The following AOAH variants were observed in gnomAD, a reference collection of about 807,000 sequenced individuals.
The protein encoded by AOAH is acyloxyacyl hydrolase (neutrophil).
AOAH carries 64 observed loss-of-function variants against 92.2 expected under a neutral mutation model. The observed-to-expected ratio is 0.69, with a 90% CI of 0.57 to 0.86. AOAH has a LOEUF of 0.86. Among genes scored for constraint, AOAH ranks in the 40% least tolerant of loss-of-function variants. The probability of loss-of-function intolerance (pLI) is 0.00; values close to 1 mark genes in which losing one functional copy is unlikely to be tolerated. For synonymous variants in AOAH, 263 were observed against 254.5 expected (o/e 1.03, Z -0.32); for missense variants, 656 against 694.6 (o/e 0.94, Z 0.62).
At chr7:36,703,381 T>C (rs775378064) in intron 1 of AOAH, among the ~76,000 whole-genome samples, 29 of 152,158 alleles carry the variant, frequency 1.9e-4, no homozygotes, top group Non-Finnish European at 3.8e-4. Flanking sequence ...TATAACTTTA[T>C]GTAATGTATT....
At chr7:36,585,285 G>A (rs1204032437) in intron 12 of AOAH, among the ~76,000 whole-genome samples, 1 of 152,106 alleles carries the variant, frequency 6.6e-6, no homozygotes, top group African/African-American at 2.4e-5. Flanking sequence ...AAACTCACTA[G>A]TAGTCAGGAG....
intron 13 of AOAH, among the ~76,000 whole-genome samples, chr7:36,572,032 C>T (rs561652038): frequency 6.6e-6 from 1 of 152,114 alleles, no homozygotes; most frequent in South Asian, 2.1e-4. Flanking sequence ...TCCTAGCATA[C>T]AGAAAAGATA....
intron 13 of AOAH, among the ~76,000 whole-genome samples, chr7:36,560,450 C>T (rs965948023): frequency 6.6e-6 from 1 of 152,030 alleles, no homozygotes; most frequent in Non-Finnish European, 1.5e-5. Flanking sequence ...GGTCTTTGAC[C>T]TCCTTGGTTA....
At chr7:36,589,796 A>G (rs890108560) in intron 12 of AOAH, among the ~76,000 whole-genome samples, 4 of 152,118 alleles carry the variant, frequency 2.6e-5, no homozygotes, top group Non-Finnish European at 1.5e-5. Context: ...CCTTCTTGTA[A>G]AAGTTTTGGT....
At chr7:36,646,068 G>A (rs1434325210) in intron 4 of AOAH, among the ~76,000 whole-genome samples, 1 of 152,098 alleles carries the variant, frequency 6.6e-6, no homozygotes, top group Non-Finnish European at 1.5e-5. Flanking sequence ...ATTATTCATT[G>A]ATTTTACCAC....
chr7:36,688,547 G>A (rs1334656869), intron 1 of AOAH, among the ~76,000 whole-genome samples: 1 of 151,916 alleles, frequency 6.6e-6, no homozygotes, highest in African/African-American at 2.4e-5. Flanking sequence ...GTGATAAGAG[G>A]GTGCAGTATG....
At position 36,516,281 on chromosome 7, in the gene AOAH, A is replaced by G. The variant is rs10240686; in HGVS notation, c.1600-2901T>C. On this transcript the variant is annotated intron_variant, in intron 20 of 20. Transcript: ENST00000617537. This position sits in a 1 kb window ranked among gnomAD's most constrained non-coding sequence, Gnocchi z 5.0. ...ATGCACACTCACCACATACACATATAACATACACACACCCCCCCACACAGA... is the reference window on the plus strand; with the variant it reads ...ATGCACACTCACCACATACACATATGACATACACACACCCCCCCACACAGA... Among the ~76,000 whole-genome samples the G allele has an allele frequency of 4.6e-3, 678 of 148,964 alleles. 5 individuals are homozygous for G. Among genetic ancestry groups the G allele is most frequent in the African/African-American group, 0.016 (649 of 40,360 alleles).
At position 36,656,346 on chromosome 7, in the gene AOAH, C is replaced by T. The variant is rs567410863; in HGVS notation, c.390+2820G>A. Among the ~76,000 whole-genome samples, 219 of 152,174 alleles carry T rather than the reference C, an allele frequency of 1.4e-3. 1 individual carries two copies. Among genetic ancestry groups the T allele is most frequent in the African/African-American group, 5.2e-3 (215 of 41,520 alleles). Reference sequence around the variant, plus strand: ...TTCCTAAAAATGAACTAGCCGGTGGCGATAGACTTCAGAATAGTGGCTACT... The same window carrying T: ...TTCCTAAAAATGAACTAGCCGGTGGTGATAGACTTCAGAATAGTGGCTACT... On this transcript the variant is annotated intron_variant, in intron 4 of 20. Coordinates refer to ENST00000617537, the MANE Select transcript of AOAH (RefSeq NM_001637.4).
At chr7:36,616,288 C>T (rs2727817) in intron 11 of AOAH, 92 bp downstream of exon 11, 18 of 1,001,374 alleles carry the variant, frequency 1.8e-5, no homozygotes, top group Non-Finnish European at 2.8e-5. Flanking sequence ...AAATTTGCAC[C>T]TGTGTGGAGT....
At chr7:36,715,084 A>G (rs1799041351) in intron 1 of AOAH, among the ~76,000 whole-genome samples, 1 of 152,240 alleles carries the variant, frequency 6.6e-6, no homozygotes, top group East Asian at 1.9e-4. Context: ...AAACCCCATC[A>G]TCTCTGCCCA....
chr7:36,687,642 T>G (rs1268191035), intron 1 of AOAH, among the ~76,000 whole-genome samples: 1 of 151,938 alleles, frequency 6.6e-6, no homozygotes, highest in Non-Finnish European at 1.5e-5. Context: ...CTCATTGCAG[T>G]AAGAAGAGTG....
At chr7:36,548,707 T>C in intron 14 of AOAH, 21 bp from the exon 15 acceptor site, 1 of 1,606,468 alleles carries the variant, frequency 6.2e-7, no homozygotes, top group Non-Finnish European at 8.5e-7. Context: ...ATAGATGGAA[T>C]CTGAATGTCA....
chr7:36,567,120 AAAACTT>A (rs1181680503), intron 13 of AOAH, among the ~76,000 whole-genome samples: 2 of 152,112 alleles, frequency 1.3e-5, no homozygotes, highest in Non-Finnish European at 2.9e-5. Context: ...CCACTGCTCT[AAAACTT>A]AAATAAATTT....
intron 2 of AOAH, among the ~76,000 whole-genome samples, chr7:36,681,333 T>C (rs116299507): frequency 6.6e-6 from 1 of 152,180 alleles, no homozygotes; most frequent in South Asian, 2.1e-4. Flanking sequence ...GGTAAAGAAG[T>C]ATAGAGTAAT....
chr7:36,647,144 A>T (rs770073666), intron 4 of AOAH, among the ~76,000 whole-genome samples: 2 of 152,258 alleles, frequency 1.3e-5, no homozygotes, highest in Non-Finnish European at 1.5e-5. Flanking sequence ...CCCTAACAGA[A>T]GATGCAGACA....
chr7:36,627,896 A>T (rs1484590039), intron 6 of AOAH, among the ~76,000 whole-genome samples: 1 of 152,230 alleles, frequency 6.6e-6, no homozygotes, highest in Non-Finnish European at 1.5e-5. Flanking sequence ...CAAACTCCCT[A>T]AAATTATTTC....
chr7:36,689,526 C>T lies in AOAH; in HGVS notation c.128-2732G>A, dbSNP rs181573186. On this transcript the variant is annotated intron_variant, in intron 1 of 20. Transcript: ENST00000617537. ...AGTGCTGGAGCATTGTGTCCTCCCA[C>T]GGCTTTGATGGGCCCCTGGTGAATA... 2.6e-4 allele frequency among the ~76,000 whole-genome samples: 39 copies of T among 152,284 alleles called. 1 individual carries two copies. In the East Asian group the frequency reaches 6.0e-3, roughly 23 times the overall value.
intron 2 of AOAH, among the ~76,000 whole-genome samples, chr7:36,684,294 C>T (rs1479887644): frequency 2.6e-5 from 4 of 152,158 alleles, no homozygotes; most frequent in Non-Finnish European, 5.9e-5. Context: ...ATAATAATTG[C>T]ACTTGACTGA....
intron 6 of AOAH, among the ~76,000 whole-genome samples, chr7:36,627,833 A>G (rs1792783811): frequency 6.9e-6 from 1 of 145,374 alleles, no homozygotes; most frequent in African/African-American, 2.6e-5. Flanking sequence ...CCAGGGAGCA[A>G]TTGTAACTGT....
Sources: allele counts gnomAD v4.1 joint callset (sites outside exome capture counted in the v4.1 genomes callset), GRCh38; gene constraint gnomAD v4.1.1; non-coding constraint Gnocchi (gnomAD v3.1); transcripts MANE v1.5; gene names NCBI Gene and HGNC (gene_info 2026-07-23, HGNC 2026-07-21).